TLL1: variants seen among roughly 807,000 people sequenced by gnomAD.
The protein encoded by TLL1 is tolloid-like protein 1.
Under a neutral mutation model 128.2 loss-of-function variants are expected in TLL1, and 49 were observed. The observed-to-expected ratio is 0.38, with a 90% confidence interval of 0.30 to 0.48. The LOEUF is 0.48. Ranked by LOEUF, TLL1 falls within the 20% of genes least tolerant of loss-of-function variation. TLL1 has a pLI of 0.96. For synonymous variants in TLL1, 454 were observed against 418.8 expected (o/e 1.08, Z -1.03); for missense variants, 1,123 against 1,242.0 (o/e 0.90, Z 1.44).
At chr4:165,992,946 G>A (rs1319224157) in intron 3 of TLL1, 62 bp downstream of exon 3, 1 of 1,317,842 alleles carries the variant, frequency 7.6e-7, no homozygotes, top group Non-Finnish European at 1.1e-6. Context: ...TATACTCATA[G>A]CAGTTCAGTT....
intron 1 of TLL1, among the ~76,000 whole-genome samples, chr4:165,953,198 A>G (rs1005560177): frequency 6.6e-5 from 10 of 152,262 alleles, no homozygotes; most frequent in African/African-American, 2.4e-4. Context: ...ACTAAACTAT[A>G]GCTTTAGGTC....
chr4:165,885,278 G>A (rs1414723660), intron 1 of TLL1, among the ~76,000 whole-genome samples: 3 of 151,844 alleles, frequency 2.0e-5, no homozygotes, highest in African/African-American at 7.3e-5. Flanking sequence ...AAGGCTGTTC[G>A]AGGCCTAAAG....
intron 13 of TLL1, among the ~76,000 whole-genome samples, chr4:166,055,997 GATT>G (rs778624171): frequency 3.3e-4 from 50 of 152,126 alleles, no homozygotes; most frequent in Non-Finnish European, 5.3e-4. Flanking sequence ...TAAAGGATTC[GATT>G]GTGTATTGCA....
intron 19 of TLL1, among the ~76,000 whole-genome samples, chr4:166,098,316 T>C (rs1301901198): frequency 8.6e-6 from 1 of 116,474 alleles, no homozygotes; most frequent in East Asian, 2.6e-4. Flanking sequence ...GCCTGGGTGA[T>C]AGAGCGAGAG....
At chr4:166,100,403 C>T (rs756795461) in intron 20 of TLL1, among the ~76,000 whole-genome samples, 3 of 152,056 alleles carry the variant, frequency 2.0e-5, no homozygotes, top group Admixed American at 1.3e-4. Context: ...CTGAACCTCA[C>T]TTTACTGATT....
chr4:166,070,617 C>A (rs771413275), intron 16 of TLL1, among the ~76,000 whole-genome samples: 1 of 151,848 alleles, frequency 6.6e-6, no homozygotes, highest in Admixed American at 6.6e-5. Context: ...AGGACAGAAA[C>A]GGACTAAAAC....
chr4:165,969,250 T>C (rs1332482647), intron 1 of TLL1, among the ~76,000 whole-genome samples: 2 of 152,136 alleles, frequency 1.3e-5, no homozygotes, highest in African/African-American at 4.8e-5. Flanking sequence ...ATTTGTTTCC[T>C]GATGGTTGAC....
At chr4:165,953,289 A>G (rs929592502) in intron 1 of TLL1, among the ~76,000 whole-genome samples, 2 of 152,010 alleles carry the variant, frequency 1.3e-5, no homozygotes, top group Non-Finnish European at 2.9e-5. Context: ...TTGTTGCCCA[A>G]CCTGCAGTTT....
In TLL1 at chr4:165,936,206, A is replaced by ATATTTTT. The variant is rs765472596; in HGVS notation, c.170-53174_170-53173insATTTTTT. ...CATTTTGCTTCATATATATATATAT[A>ATATTTTT]TTTTTTTTTCTTTTTTCTTTTTTTT... is the stretch of plus-strand genomic sequence containing the variant. On this transcript the variant is annotated intron_variant, in intron 1 of 20. Coordinates refer to ENST00000061240, the MANE Select transcript of TLL1 (RefSeq NM_012464.5). Among the ~76,000 whole-genome samples, 53 of 139,608 alleles carry ATATTTTT rather than the reference A, an allele frequency of 3.8e-4. 1 individual carries two copies. The highest frequency in any genetic ancestry group is 1.2e-3 in the African/African-American group (46 of 37,850). The allele number at this position is 139,608 out of a possible 152,430, so 91.6% of individuals were successfully genotyped here.
intron 15 of TLL1, among the ~76,000 whole-genome samples, chr4:166,063,231 C>T (rs535404444): frequency 3.3e-5 from 5 of 152,196 alleles, no homozygotes; most frequent in Non-Finnish European, 7.4e-5. Flanking sequence ...CCAACAGACA[C>T]ATGAAAAAAT....
At chr4:166,047,605 T>A (rs1739522384) in intron 12 of TLL1, among the ~76,000 whole-genome samples, 1 of 151,752 alleles carries the variant, frequency 6.6e-6, no homozygotes, top group Non-Finnish European at 1.5e-5. Context: ...ACTTCTTAGC[T>A]GTCCATCATT....
rs962303220 is a variant in TLL1 at position 166,063,998 on chromosome 4, T to TA, written c.2008-1674dup. Among the ~76,000 whole-genome samples the TA allele has an allele frequency of 3.1e-3, 440 of 144,194 alleles. 1 individual carries two copies. The highest frequency in any genetic ancestry group is 7.0e-3 in the African/African-American group (276 of 39,524). The allele number at this position is 144,194 out of a possible 152,430, so 94.6% of individuals were successfully genotyped here. On this transcript the variant is annotated intron_variant, in intron 15 of 20. Coordinates refer to ENST00000061240, the MANE Select transcript of TLL1 (RefSeq NM_012464.5). Reference sequence around the variant, plus strand: ...ACCCTAGAACTTAAAGTATAATAATTAAAAAAAAAAAGAAATGTGATGAAC... The same window carrying TA: ...ACCCTAGAACTTAAAGTATAATAATTAAAAAAAAAAAAGAAATGTGATGAAC...
At chr4:165,935,969 T>C (rs1733740763) in intron 1 of TLL1, among the ~76,000 whole-genome samples, 1 of 151,936 alleles carries the variant, frequency 6.6e-6, no homozygotes, top group Non-Finnish European at 1.5e-5. Context: ...GTTAATCTCT[T>C]GAGTGGTGGT....
intron 19 of TLL1, among the ~76,000 whole-genome samples, chr4:166,098,390 A>G (rs2111166711): frequency 6.6e-6 from 1 of 151,072 alleles, no homozygotes; most frequent in South Asian, 2.1e-4. Flanking sequence ...GTTCCTGAGA[A>G]GTGTGTTTGA....
At chr4:166,024,834 A>G (rs1738420014) in intron 8 of TLL1, among the ~76,000 whole-genome samples, 2 of 152,184 alleles carry the variant, frequency 1.3e-5, no homozygotes, top group East Asian at 3.9e-4. Flanking sequence ...TTATTGTTTC[A>G]CATTTTGATA....
intron 1 of TLL1, among the ~76,000 whole-genome samples, chr4:165,883,117 C>A (rs367726916): frequency 6.6e-6 from 1 of 152,184 alleles, no homozygotes; most frequent in East Asian, 1.9e-4. Flanking sequence ...TCAGAAGTAG[C>A]ATGGGGCTTC....
At chr4:165,896,059 T>G (rs895092222) in intron 1 of TLL1, among the ~76,000 whole-genome samples, 6 of 152,084 alleles carry the variant, frequency 3.9e-5, no homozygotes, top group Admixed American at 6.6e-5. Flanking sequence ...CATTAGGTAT[T>G]TCTCCGAATG....
intron 10 of TLL1, among the ~76,000 whole-genome samples, chr4:166,040,833 A>G (rs991487555): frequency 6.6e-6 from 1 of 152,202 alleles, no homozygotes; most frequent in Non-Finnish European, 1.5e-5. Context: ...GTTAGTATGA[A>G]CTTGCTTTAT....
At chr4:166,064,084 A>G (rs911972938) in intron 15 of TLL1, among the ~76,000 whole-genome samples, 4 of 152,094 alleles carry the variant, frequency 2.6e-5, no homozygotes, top group African/African-American at 9.7e-5. Context: ...GCTTCTTTTT[A>G]ACATTATGTG....
Sources: gnomAD v4.1 joint callset for allele counts (sites outside exome capture counted in the v4.1 genomes callset) on GRCh38, gnomAD v4.1.1 for gene constraint, MANE v1.5 for transcripts, NCBI Gene and HGNC (gene_info 2026-07-23, HGNC 2026-07-21) for gene names.